The following PTPRR variants were observed in gnomAD, a reference collection of about 807,000 sequenced individuals.
PTPRR encodes protein tyrosine phosphatase receptor type R.
PTPRR carries 38 observed loss-of-function variants against 77.2 expected under a neutral mutation model. That is an observed-to-expected ratio of 0.49 (90% CI 0.38 to 0.65). The LOEUF (loss-of-function observed/expected upper bound fraction) is 0.65, where lower values mean the gene tolerates loss of function less well. PTPRR is among the 30% of genes least tolerant of loss of function. The probability of loss-of-function intolerance (pLI) is 0.00; values close to 1 mark genes in which losing one functional copy is unlikely to be tolerated. For missense variants in PTPRR, 744 were observed against 799.2 expected (o/e 0.93, Z 0.83); for synonymous variants, 299 against 283.1 (o/e 1.06, Z -0.57).
chr12:70,662,646 T>A, intron 10 of PTPRR, 41 bp from the exon 11 acceptor site: 3 of 1,201,292 alleles, frequency 2.5e-6, no homozygotes, highest in South Asian at 1.3e-5. Context: ...ATTAATGGCT[T>A]TTATTAGCCA....
At chr12:70,761,657 T>A in intron 3 of PTPRR, 31 bp from the exon 4 acceptor site, 2 of 1,491,310 alleles carry the variant, frequency 1.3e-6, no homozygotes, top group Non-Finnish European at 1.8e-6. Context: ...GTATTTGTTA[T>A]AGACATTTTA....
At chr12:70,797,681 T>C (rs1891540783) in intron 2 of PTPRR, among the ~76,000 whole-genome samples, 1 of 152,188 alleles carries the variant, frequency 6.6e-6, no homozygotes, top group African/African-American at 2.4e-5. Context: ...CCTTATCTAG[T>C]TCTCAGGATC....
At chr12:70,744,033 T>G (rs1475607015) in intron 6 of PTPRR, among the ~76,000 whole-genome samples, 3 of 152,200 alleles carry the variant, frequency 2.0e-5, no homozygotes, top group African/African-American at 7.2e-5. Context: ...AGACCCTTTC[T>G]TGCCACCGGC....
intron 10 of PTPRR, among the ~76,000 whole-genome samples, chr12:70,676,016 T>A (rs1294907849): frequency 6.6e-6 from 1 of 151,928 alleles, no homozygotes; most frequent in African/African-American, 2.4e-5. Flanking sequence ...TTGTGCTTTT[T>A]AGATTTTTGA....
Position 70,745,896 on chromosome 12 carries a change from G to A in PTPRR, c.929C>T (p.Ala310Val). 6.2e-7 allele frequency: 1 copy of A among 1,614,012 alleles called. No individual in the cohort carries two copies. Among genetic ancestry groups the A allele is most frequent in the South Asian group, 1.1e-5 (1 of 91,076 alleles). Reference sequence around the variant, plus strand: ...AGCGGTGGTAGCTTTGATCTCAGGAGCACCTCGGCCTTGAGGGTCCACGAC... The same window carrying A: ...AGCGGTGGTAGCTTTGATCTCAGGAACACCTCGGCCTTGAGGGTCCACGAC... ...NVVVDPQGRG[A>V]PEIKATTATS... The change falls in exon 6 of 14, where the codon GCT becomes GTT. Residue 310 changes from alanine (A) to valine (V), a missense_variant. Physicochemically the swap from Ala to Val is moderately conservative, Grantham distance 64. Around this residue, in one of 3 missense-constraint regions of PTPRR, gnomAD observed 570 missense variants for 573.2 expected, o/e 0.99. Coordinates refer to ENST00000283228, the MANE Select transcript of PTPRR (RefSeq NM_002849.4).
chr12:70,755,950 C>T (rs1018168036), intron 4 of PTPRR, among the ~76,000 whole-genome samples: 4 of 152,044 alleles, frequency 2.6e-5, no homozygotes, highest in Admixed American at 2.0e-4. Flanking sequence ...GAATTTTTTA[C>T]AGGCAACAAA....
intron 6 of PTPRR, among the ~76,000 whole-genome samples, chr12:70,742,862 G>C (rs1427036803): frequency 2.0e-5 from 3 of 152,070 alleles, no homozygotes; most frequent in Non-Finnish European, 4.4e-5. Context: ...GAGAAGCTGA[G>C]GATATTACTG....
rs147707438 is a variant in PTPRR at position 70,892,688 on chromosome 12, T to G, written c.348A>C (p.Val116=). 275 of 1,613,000 alleles carry G rather than the reference T, an allele frequency of 1.7e-4. 1 individual carries two copies. The highest frequency in any genetic ancestry group is 3.3e-4 in the Middle Eastern group (2 of 6,076). Residue 116 remains valine (V), a synonymous_variant, in exon 2 of 14, where the codon GTA becomes GTC. Transcript: ENST00000283228. ...VENLPIPAAN[V]IVVTLQMDVN... The stretch of plus-strand genomic sequence containing the variant: ...TTAACATACTACTTACCACCACAAT[T>G]ACATTTGCTGCTGGGATTGGGAGAT...
intron 8 of PTPRR, among the ~76,000 whole-genome samples, chr12:70,695,161 AT>A (rs1484426689): frequency 6.6e-6 from 1 of 152,196 alleles, no homozygotes; most frequent in African/African-American, 2.4e-5. Flanking sequence ...CATTCTCAGA[AT>A]TGTATAATGT....
chr12:70,782,663 A>G (rs1429342409), intron 2 of PTPRR, among the ~76,000 whole-genome samples: 1 of 151,978 alleles, frequency 6.6e-6, no homozygotes, highest in Non-Finnish European at 1.5e-5. Context: ...ACAGGAAGGG[A>G]AACATCACAC....
chr12:70,673,941 A>T (rs1247287442), intron 10 of PTPRR, among the ~76,000 whole-genome samples: 3 of 151,976 alleles, frequency 2.0e-5, no homozygotes, highest in East Asian at 1.9e-4. Context: ...CTTTTTAAAA[A>T]TTTTTTTTAA....
intron 6 of PTPRR, among the ~76,000 whole-genome samples, chr12:70,701,607 G>A (rs1257370297): frequency 1.3e-5 from 2 of 152,064 alleles, no homozygotes; most frequent in Admixed American, 1.3e-4. Context: ...ATAATATTAA[G>A]TGAAAAATTA....
At chr12:70,819,847 A>C (rs1010756532) in intron 2 of PTPRR, among the ~76,000 whole-genome samples, 5 of 152,108 alleles carry the variant, frequency 3.3e-5, no homozygotes, top group Admixed American at 2.0e-4. Flanking sequence ...TACACTTTCT[A>C]CATCATAGAA....
intron 3 of PTPRR, among the ~76,000 whole-genome samples, chr12:70,762,735 G>A (rs968971311): frequency 1.4e-4 from 22 of 152,136 alleles, no homozygotes; most frequent in Admixed American, 3.3e-4. Flanking sequence ...CAAATAAAAC[G>A]TAAGAGGCTT....
At chr12:70,809,513 A>G (rs1290420964) in intron 2 of PTPRR, among the ~76,000 whole-genome samples, 1 of 152,208 alleles carries the variant, frequency 6.6e-6, no homozygotes, top group Non-Finnish European at 1.5e-5. Context: ...TATAGTCATT[A>G]TGTCGTACAG....
At chr12:70,639,322 G>C in intron 13 of PTPRR, 45 bp from the exon 14 acceptor site, 3 of 1,586,518 alleles carry the variant, frequency 1.9e-6, no homozygotes, top group Non-Finnish European at 2.6e-6. Context: ...CTAAAATCTT[G>C]CAATTTCAAG....
intron 1 of PTPRR, among the ~76,000 whole-genome samples, chr12:70,895,121 G>T (rs185228277): frequency 6.6e-6 from 1 of 151,792 alleles, no homozygotes; most frequent in East Asian, 1.9e-4. Flanking sequence ...TGCTGAAGAT[G>T]TAAGACGTAT....
intron 8 of PTPRR, among the ~76,000 whole-genome samples, chr12:70,692,852 A>C (rs560644297): frequency 6.6e-6 from 1 of 152,176 alleles, no homozygotes; most frequent in East Asian, 1.9e-4. Flanking sequence ...TAAGTGCTTA[A>C]ATTTCTGCCT....
chr12:70,676,008 G>C (rs1390772483), intron 10 of PTPRR, among the ~76,000 whole-genome samples: 1 of 151,170 alleles, frequency 6.6e-6, no homozygotes, highest in Non-Finnish European at 1.5e-5. Flanking sequence ...AGGATTTATT[G>C]TGCTTTTTAG....
Sources: gnomAD v4.1 joint callset for allele counts (sites outside exome capture counted in the v4.1 genomes callset) on GRCh38, gnomAD v4.1.1 for gene constraint, gnomAD v4.1.1 regional missense constraint, MANE v1.5 for transcripts, NCBI Gene and HGNC (gene_info 2026-07-23, HGNC 2026-07-21) for gene names.